The following DOK5 variants were observed in gnomAD, a reference collection of about 807,000 sequenced individuals.
DOK5 encodes downstream of tyrosine kinase 5.
DOK5 carries 27 observed loss-of-function variants against 43.3 expected under a neutral mutation model. The ratio of observed to expected loss-of-function variants is 0.62; its 90% confidence interval spans 0.46 to 0.86. The LOEUF is 0.86. DOK5 is among the 40% of genes least tolerant of loss of function. The probability of loss-of-function intolerance (pLI) is 0.00; values close to 1 mark genes in which losing one functional copy is unlikely to be tolerated. For missense variants in DOK5, 373 were observed against 392.9 expected, an observed-to-expected ratio of 0.95 and a Z score of 0.43; for synonymous variants, 146 against 140.1, an observed-to-expected ratio of 1.04 and a Z score of -0.30.
At chr20:54,612,280 T>C (rs116000682) in intron 6 of DOK5, among the ~76,000 whole-genome samples, 1,565 of 152,306 alleles carry the variant, frequency 0.01, 33 homozygotes, top group African/African-American at 0.036. Flanking sequence ...GAGCCAGTGC[T>C]GACGTAAGCA....
intron 6 of DOK5, among the ~76,000 whole-genome samples, chr20:54,619,938 A>G (rs974076183): frequency 2.6e-5 from 4 of 152,164 alleles, no homozygotes; most frequent in African/African-American, 9.7e-5. Flanking sequence ...ATGTGTGTAA[A>G]CGCTCTTTTC....
chr20:54,555,248 G>C (rs1984670022), intron 2 of DOK5: 1 of 514,850 alleles, frequency 1.9e-6, no homozygotes, highest in Non-Finnish European at 3.5e-6. Context: ...GCTATTTGCT[G>C]TAGCTGTTCT....
intron 6 of DOK5, among the ~76,000 whole-genome samples, chr20:54,628,353 G>C (rs561887585): frequency 7.5e-6 from 1 of 132,592 alleles, no homozygotes; most frequent in Admixed American, 8.4e-5. Context: ...AGCTTGCAGT[G>C]AGCCGAGATC....
intron 6 of DOK5, among the ~76,000 whole-genome samples, chr20:54,630,252 T>C (rs1978500235): frequency 6.6e-6 from 1 of 152,144 alleles, no homozygotes; most frequent in Non-Finnish European, 1.5e-5. Flanking sequence ...CCTGGGTATA[T>C]TTTTGAAGAT....
At chr20:54,610,252 T>A in intron 5 of DOK5, 136 bp from the exon 6 acceptor site, 1 of 940,188 alleles carries the variant, frequency 1.1e-6, no homozygotes, top group Non-Finnish European at 1.4e-6. Flanking sequence ...CCGATTCTAG[T>A]TAACTTTGTT....
chr20:54,604,609 C>G (rs1986406697), intron 5 of DOK5, among the ~76,000 whole-genome samples: 1 of 152,098 alleles, frequency 6.6e-6, no homozygotes, highest in Non-Finnish European at 1.5e-5. Context: ...GTAACAAGTA[C>G]CTTATTCTTT....
At chr20:54,551,091 A>G (rs1197249278) in intron 1 of DOK5, among the ~76,000 whole-genome samples, 1 of 152,058 alleles carries the variant, frequency 6.6e-6, no homozygotes, top group Non-Finnish European at 1.5e-5. Context: ...ATTTCAGCCA[A>G]TCTGATAGGT....
At chr20:54,527,823 A>G (rs1424490151) in intron 1 of DOK5, among the ~76,000 whole-genome samples, 1 of 152,240 alleles carries the variant, frequency 6.6e-6, no homozygotes, top group African/African-American at 2.4e-5. Context: ...TTAAGTGGAA[A>G]GTTGCCTTTG....
intron 1 of DOK5, 59 bp from the exon 2 acceptor site, chr20:54,554,874 T>C: frequency 9.2e-7 from 1 of 1,083,502 alleles, no homozygotes; most frequent in Non-Finnish European, 1.4e-6. Flanking sequence ...AAAGAAAACA[T>C]TTAAATGCAA....
At chr20:54,621,537 C>G (rs1986976369) in intron 6 of DOK5, among the ~76,000 whole-genome samples, 1 of 151,980 alleles carries the variant, frequency 6.6e-6, no homozygotes, top group African/African-American at 2.4e-5. Flanking sequence ...ACTAAAAATA[C>G]AATTAGCCAG....
chr20:54,499,859 C>T (rs1207676662), intron 1 of DOK5, among the ~76,000 whole-genome samples: 1 of 152,188 alleles, frequency 6.6e-6, no homozygotes, highest in Non-Finnish European at 1.5e-5. Flanking sequence ...TGGAGGGATG[C>T]ACAATTCACT....
At chr20:54,608,648 C>T (rs1986543905) in intron 5 of DOK5, among the ~76,000 whole-genome samples, 1 of 149,656 alleles carries the variant, frequency 6.7e-6, no homozygotes, top group African/African-American at 2.5e-5. Context: ...TCATGTTTTT[C>T]CCTCTATTTC....
intron 2 of DOK5, chr20:54,555,348 T>C (rs781102709): frequency 1.1e-4 from 24 of 213,804 alleles, no homozygotes; most frequent in Non-Finnish European, 1.6e-4. Flanking sequence ...GATCTCATTG[T>C]GTCTCAGACA....
At chr20:54,587,580 T>A (rs1409977593) in intron 2 of DOK5, among the ~76,000 whole-genome samples, 1 of 152,216 alleles carries the variant, frequency 6.6e-6, no homozygotes, top group African/African-American at 2.4e-5. Flanking sequence ...AAGGCTTCGC[T>A]CAGGCATGAC....
At chr20:54,580,937 A>C (rs1985618991) in intron 2 of DOK5, among the ~76,000 whole-genome samples, 1 of 152,096 alleles carries the variant, frequency 6.6e-6, no homozygotes, top group Non-Finnish European at 1.5e-5. Flanking sequence ...TCTCATATCC[A>C]AGAAATCACT....
At chr20:54,502,559 A>G (rs1163512645) in intron 1 of DOK5, among the ~76,000 whole-genome samples, 2 of 152,134 alleles carry the variant, frequency 1.3e-5, no homozygotes, top group Non-Finnish European at 2.9e-5. Context: ...AGGGCAATCA[A>G]TTTTATAGTT....
At chr20:54,583,779 T>C (rs796491978) in intron 2 of DOK5, among the ~76,000 whole-genome samples, 3 of 152,138 alleles carry the variant, frequency 2.0e-5, no homozygotes, top group Non-Finnish European at 4.4e-5. Context: ...TGTCCTTAAA[T>C]CTAAAGTGAG....
intron 1 of DOK5, among the ~76,000 whole-genome samples, chr20:54,490,896 T>C (rs1311325229): frequency 6.6e-6 from 1 of 152,210 alleles, no homozygotes; most frequent in Admixed American, 6.5e-5. Context: ...CCTCTTTTCC[T>C]TTCTCTCTAA....
intron 2 of DOK5, among the ~76,000 whole-genome samples, chr20:54,587,358 A>G (rs1985837458): frequency 1.3e-5 from 2 of 152,176 alleles, no homozygotes; most frequent in South Asian, 4.1e-4. Context: ...TGCATGGAGG[A>G]TATTTATTTC....
Sources: gnomAD v4.1 joint callset for allele counts (sites outside exome capture counted in the v4.1 genomes callset) on GRCh38, gnomAD v4.1.1 for gene constraint, MANE v1.5 for transcripts, NCBI Gene and HGNC (gene_info 2026-07-23, HGNC 2026-07-21) for gene names.